Variants in VIPR2 observed in about 807,000 individuals in gnomAD.
The protein encoded by VIPR2 is vasoactive intestinal peptide receptor 2.
In VIPR2, 48 loss-of-function variants were observed where a neutral mutation model predicts 58.0. That is an observed-to-expected ratio of 0.83 (90% confidence interval 0.66 to 1.05). VIPR2 has a LOEUF of 1.05. VIPR2 is among the 50% of genes least tolerant of loss of function. The probability of loss-of-function intolerance (pLI) is 0.00; values close to 1 mark genes in which losing one functional copy is unlikely to be tolerated. For missense variants in VIPR2, 534 were observed against 558.0 expected, an observed-to-expected ratio of 0.96 and a Z score of 0.43; for synonymous variants, 243 against 235.2, an observed-to-expected ratio of 1.03 and a Z score of -0.30.
In VIPR2 at chr7:159,034,360, G is replaced by A. The variant is rs1853785079; in HGVS notation, c.880-56C>T. 1.9e-6 allele frequency: 3 copies of A among 1,569,900 alleles called. No homozygotes were observed. In the African/African-American group the frequency reaches 4.1e-5, roughly 21 times the overall value. On this transcript the variant is annotated intron_variant, in intron 9 of 12. Transcript: ENST00000262178. ...GACACGTGGATCCCTAATTTGCCCT[G>A]AAGTCCACCTGATTTCGACCCTCCC... is the stretch of plus-strand genomic sequence containing the variant.
intron 2 of VIPR2, chr7:159,117,418 C>A: frequency 1.4e-6 from 1 of 717,406 alleles, no homozygotes; most frequent in Non-Finnish European, 2.6e-6. Context: ...TGTGAACAGA[C>A]AGGATAACAG....
rs149285074 is a variant in VIPR2, at chr7:159,094,002, G to C, written c.357+9755C>G. On this transcript the variant is annotated intron_variant, in intron 4 of 12. Transcript: ENST00000262178. ...GGGAACAGGCTCACATCTGTGATGG[G>C]AAAGTCTGCCTTGACCTCTCAAGGA... 1.7e-3 allele frequency among the ~76,000 whole-genome samples: 263 copies of C among 152,334 alleles called. 1 individual carries two copies. Among genetic ancestry groups the C allele is most frequent in the African/African-American group, 5.9e-3 (247 of 41,574 alleles).
intron 5 of VIPR2, among the ~76,000 whole-genome samples, chr7:159,043,606 T>A (rs531832917): frequency 6.6e-6 from 1 of 152,292 alleles, no homozygotes; most frequent in Non-Finnish European, 1.5e-5. Context: ...AGGCCCTGAA[T>A]AGGCAGAGGG....
rs201138633 is a variant in VIPR2, at chr7:159,030,820, G to A, written c.1144-31C>T. 2.6e-5 allele frequency: 40 copies of A among 1,521,538 alleles called. 1 individual carries two copies. In the East Asian group the frequency reaches 9.8e-4, roughly 37 times the overall value. 94.3% of individuals were successfully genotyped at this position (1,521,538 alleles called of 1,614,324 possible). On this transcript the variant is annotated intron_variant, in intron 12 of 12. Transcript: ENST00000262178. ...AGGTGAGGGCAGCGGGAACGCCCGTGAGCCTGGGCAGGTGCGGGCGGCTGC... is the reference window on the plus strand; with the variant it reads ...AGGTGAGGGCAGCGGGAACGCCCGTAAGCCTGGGCAGGTGCGGGCGGCTGC...
chr7:159,133,846 G>A (rs1797089156), intron 2 of VIPR2, among the ~76,000 whole-genome samples: 2 of 152,194 alleles, frequency 1.3e-5, no homozygotes, highest in Admixed American at 6.5e-5. Context: ...TCTAACTTGA[G>A]TAATCTTTAA....
At chr7:159,067,558 G>A (rs1856161803) in intron 4 of VIPR2, among the ~76,000 whole-genome samples, 1 of 152,228 alleles carries the variant, frequency 6.6e-6, no homozygotes, top group Non-Finnish European at 1.5e-5. Context: ...TCTGCTCAAT[G>A]TGGGTATATT....
chr7:159,105,946 A>G (rs1378853092), intron 3 of VIPR2, among the ~76,000 whole-genome samples: 1 of 152,240 alleles, frequency 6.6e-6, no homozygotes, highest in Non-Finnish European at 1.5e-5. Context: ...TGCTTGCATC[A>G]ACCCAGTTAA....
chr7:159,121,060 G>A (rs1796434779), intron 2 of VIPR2, among the ~76,000 whole-genome samples: 1 of 152,082 alleles, frequency 6.6e-6, no homozygotes, highest in African/African-American at 2.4e-5. Flanking sequence ...TAACCTTTGG[G>A]GCAGAAACCT....
At chr7:159,041,365 C>T (rs145694154) in intron 6 of VIPR2, among the ~76,000 whole-genome samples, 296 of 152,350 alleles carry the variant, frequency 1.9e-3, no homozygotes, top group Middle Eastern at 3.4e-3. Flanking sequence ...AGGGCCACCA[C>T]TTTCCATGTT....
chr7:159,069,735 C>A (rs1856284230), intron 4 of VIPR2, among the ~76,000 whole-genome samples: 1 of 152,090 alleles, frequency 6.6e-6, no homozygotes, highest in African/African-American at 2.4e-5. Context: ...TCCATTTTTC[C>A]CCCCAAATAA....
intron 6 of VIPR2, among the ~76,000 whole-genome samples, chr7:159,040,821 A>C (rs1004166183): frequency 9.9e-5 from 15 of 152,194 alleles, no homozygotes; most frequent in Admixed American, 9.8e-4. Context: ...GGACAGCGAG[A>C]GGGAAGACCC....
At chr7:159,130,261 C>A (rs1796844704) in intron 2 of VIPR2, among the ~76,000 whole-genome samples, 1 of 152,194 alleles carries the variant, frequency 6.6e-6, no homozygotes, top group Non-Finnish European at 1.5e-5. Context: ...GCCCTTCCCC[C>A]AAACTCAGCC....
intron 2 of VIPR2, among the ~76,000 whole-genome samples, chr7:159,126,834 C>G (rs936037877): frequency 6.6e-6 from 1 of 152,222 alleles, no homozygotes; most frequent in Admixed American, 6.5e-5. Flanking sequence ...CTCCAGCAAA[C>G]GTTTACTGAG....
In VIPR2 at chr7:159,093,606, G is replaced by A. The variant is rs549911943; in HGVS notation, c.357+10151C>T. The stretch of plus-strand genomic sequence containing the variant: ...TGGGCTCAGGATCCGAGATGGGAGC[G>A]AGGAGCTGTTCCACCCACAACAAGC... On this transcript the variant is annotated intron_variant, in intron 4 of 12. Coordinates refer to ENST00000262178, the MANE Select transcript of VIPR2 (RefSeq NM_003382.5). This position sits in a 1 kb window ranked among gnomAD's most constrained non-coding sequence, Gnocchi z 6.7. 2.0e-5 allele frequency among the ~76,000 whole-genome samples: 3 copies of A among 152,198 alleles called. No homozygotes were observed. The highest frequency in any genetic ancestry group is 4.4e-5 in the Non-Finnish European group (3 of 68,030).
Position 159,108,840 on chromosome 7 carries a change from G to T in VIPR2, c.259+972C>A, listed in dbSNP as rs548742200. Among the ~76,000 whole-genome samples, 15 of 152,328 alleles carry T rather than the reference G, an allele frequency of 9.8e-5. 1 individual carries two copies. The South Asian group carries it at 2.9e-3, about 30-fold the overall frequency. On this transcript the variant is annotated intron_variant, in intron 3 of 12. Transcript: ENST00000262178. ...CAGTAGAAATGCTACTGATTGGAGG[G>T]AACAGTTCTTAAAGTTCAGGTTCTC...
intron 2 of VIPR2, among the ~76,000 whole-genome samples, chr7:159,136,518 A>G (rs1047244132): frequency 6.6e-6 from 1 of 152,108 alleles, no homozygotes; most frequent in Non-Finnish European, 1.5e-5. Context: ...GTCCATCCAC[A>G]GTGGCCATGT....
chr7:159,097,310 C>T lies in VIPR2; in HGVS notation c.357+6447G>A. ...ACGGAAGAAATGTGTGCACTTGAAG[C>T]ATGGGGAGGCCGAAATGCCAAACAG... On this transcript the variant is annotated intron_variant, in intron 4 of 12. Coordinates refer to ENST00000262178, the MANE Select transcript of VIPR2 (RefSeq NM_003382.5). This position sits in a 1 kb window ranked among gnomAD's most constrained non-coding sequence, Gnocchi z 5.3. The T allele has an allele frequency of 1.6e-5, 21 of 1,294,956 alleles. No individual in the cohort carries two copies. The highest frequency in any genetic ancestry group is 2.1e-5 in the Non-Finnish European group (21 of 1,011,328). The allele number at this position is 1,294,956 out of a possible 1,614,324, so 80.2% of individuals were successfully genotyped here. A position where few individuals can be genotyped will look rare whatever the true frequency, so the allele number is the denominator to read the frequency against.
chr7:159,123,605 G>T (rs766739436), intron 2 of VIPR2, among the ~76,000 whole-genome samples: 1 of 152,186 alleles, frequency 6.6e-6, no homozygotes, highest in African/African-American at 2.4e-5. Flanking sequence ...GAATGGAGCT[G>T]CAATGAACAT....
chr7:159,080,738 C>A (rs983466918), intron 4 of VIPR2, among the ~76,000 whole-genome samples: 1 of 152,158 alleles, frequency 6.6e-6, no homozygotes, highest in African/African-American at 2.4e-5. Context: ...AGCCCAAAAT[C>A]TCCTTAAGCT....
Sources: gnomAD v4.1 joint callset for allele counts (sites outside exome capture counted in the v4.1 genomes callset) on GRCh38, gnomAD v4.1.1 for gene constraint, Gnocchi (gnomAD v3.1) non-coding constraint, MANE v1.5 for transcripts, NCBI Gene and HGNC (gene_info 2026-07-23, HGNC 2026-07-21) for gene names.